ZC3H12B: variants seen among roughly 807,000 people sequenced by gnomAD.
The protein encoded by ZC3H12B is zinc finger CCCH-type containing 12B.
In ZC3H12B, 7 loss-of-function variants were observed where a neutral mutation model predicts 43.9. The observed-to-expected ratio is 0.16, with a 90% CI of 0.09 to 0.30. The LOEUF is 0.30. Ranked by LOEUF, ZC3H12B falls within the 10% of genes least tolerant of loss-of-function variation. ZC3H12B has a pLI of 1.00. For missense variants in ZC3H12B, 475 were observed against 670.2 expected, an observed-to-expected ratio of 0.71 and a Z score of 3.22; for synonymous variants, 222 against 241.7, an observed-to-expected ratio of 0.92 and a Z score of 0.76.
the ZC3H12B span, among the ~76,000 whole-genome samples, chrX:65,152,390 G>A: frequency 2.7e-5 from 3 of 111,529 alleles, no homozygotes; most frequent in Non-Finnish European, 5.7e-5. Flanking sequence ...AAAGTCTCAG[G>A]ATACAAAATC....
At chrX:65,470,569 C>T (rs961486222) in intron 3 of ZC3H12B, among the ~76,000 whole-genome samples, 1 of 110,927 alleles carries the variant, frequency 9.0e-6, no homozygotes, top group African/African-American at 3.3e-5. Context: ...AGGAGTCTCC[C>T]TGCCGCCCTC....
chrX:65,250,817 T>A, the ZC3H12B span, among the ~76,000 whole-genome samples: 19 of 111,916 alleles, frequency 1.7e-4, no homozygotes, highest in Admixed American at 1.3e-3. Context: ...GTTTGAGTTC[T>A]TTGTGGATTC....
the ZC3H12B span, among the ~76,000 whole-genome samples, chrX:65,221,821 G>T: frequency 2.7e-5 from 3 of 110,604 alleles, no homozygotes; most frequent in African/African-American, 9.8e-5. Context: ...ATAAAAAAAA[G>T]GAAATCCTTT....
chrX:65,317,389 T>A, the ZC3H12B span, among the ~76,000 whole-genome samples: 2 of 111,210 alleles, frequency 1.8e-5, no homozygotes, highest in Non-Finnish European at 3.8e-5. Context: ...TAAATTTTTT[T>A]ATTTCCATAG....
At chrX:65,268,118 A>G in the ZC3H12B span, among the ~76,000 whole-genome samples, 1 of 111,904 alleles carries the variant, frequency 8.9e-6, no homozygotes, top group Non-Finnish European at 1.9e-5. Flanking sequence ...AAAGGAATAT[A>G]AGGGAGTATT....
chrX:65,068,869 T>G, the ZC3H12B span, among the ~76,000 whole-genome samples: 371 of 111,225 alleles, frequency 3.3e-3, no homozygotes, highest in Non-Finnish European at 5.5e-3. Flanking sequence ...CCTTTATGCT[T>G]GAAGGATATT....
the ZC3H12B span, among the ~76,000 whole-genome samples, chrX:65,119,633 A>C: frequency 1.8e-5 from 2 of 111,670 alleles, no homozygotes; most frequent in African/African-American, 6.5e-5. Context: ...TTTGCAGTGC[A>C]CAATCTCTTT....
the ZC3H12B span, among the ~76,000 whole-genome samples, chrX:65,192,838 G>A: frequency 9.0e-6 from 1 of 111,133 alleles, no homozygotes; most frequent in Non-Finnish European, 1.9e-5. Flanking sequence ...TCTATTGCTG[G>A]GCTGGAGTGC....
the ZC3H12B span, among the ~76,000 whole-genome samples, chrX:65,327,647 C>A: frequency 1.8e-5 from 2 of 111,013 alleles, no homozygotes; most frequent in Non-Finnish European, 3.8e-5. Context: ...AGCATTTTGT[C>A]ATATAGGATT....
the ZC3H12B span, among the ~76,000 whole-genome samples, chrX:65,068,544 G>A: frequency 1.8e-5 from 2 of 111,750 alleles, no homozygotes; most frequent in Non-Finnish European, 3.8e-5. Flanking sequence ...TTAACTTTAT[G>A]CTGCTTCTAT....
chrX:65,284,450 G>T, the ZC3H12B span, among the ~76,000 whole-genome samples: 1 of 111,380 alleles, frequency 9.0e-6, no homozygotes, highest in African/African-American at 3.3e-5. Flanking sequence ...AACAATTCAG[G>T]ATATGAATAA....
chrX:65,393,477 G>GTGT (rs1432537104), intron 2 of ZC3H12B, among the ~76,000 whole-genome samples: 5 of 110,507 alleles, frequency 4.5e-5, no homozygotes, highest in Admixed American at 2.9e-4. Context: ...AGGCCCTAGT[G>GTGT]TGTAATGTTC....
the ZC3H12B span, among the ~76,000 whole-genome samples, chrX:65,254,146 C>T: frequency 8.9e-6 from 1 of 112,324 alleles, no homozygotes; most frequent in South Asian, 3.7e-4. Flanking sequence ...TCCACCCCCC[C>T]ACTGCCACTG....
the ZC3H12B span, among the ~76,000 whole-genome samples, chrX:65,309,249 C>G: frequency 9.2e-6 from 1 of 108,557 alleles, no homozygotes; most frequent in African/African-American, 3.4e-5. Context: ...AGACTGCTAG[C>G]AAGATTAAAA....
chrX:65,059,548 C>T, the ZC3H12B span, among the ~76,000 whole-genome samples: 8 of 110,753 alleles, frequency 7.2e-5, no homozygotes, highest in African/African-American at 2.6e-4. Context: ...GGATTTGATT[C>T]TGGGTTCTCT....
the ZC3H12B span, among the ~76,000 whole-genome samples, chrX:65,211,578 A>G: frequency 9.8e-6 from 1 of 101,838 alleles, no homozygotes; most frequent in African/African-American, 3.6e-5. Flanking sequence ...AAAGTCATAC[A>G]TCTAGTAATT....
rs771425222 is a variant in ZC3H12B, at chrX:65,380,756, G to C, written n.295+11758G>C. Among the ~76,000 whole-genome samples the C allele has an allele frequency of 2.4e-3, 263 of 111,762 alleles. 2 individuals carry two copies. The highest frequency in any genetic ancestry group is 7.9e-3 in the African/African-American group (244 of 30,739). On this transcript the variant is annotated intron_variant and non_coding_transcript_variant, in intron 2 of 5. Coordinates refer to the ZC3H12B transcript ENST00000617377. Reference sequence around the variant, plus strand: ...CACATAGGCTCAAAATAAAAGGATGGAGGAAGATCTACCAAACAAATGGAA... The same window carrying C: ...CACATAGGCTCAAAATAAAAGGATGCAGGAAGATCTACCAAACAAATGGAA...
chrX:65,475,555 C>CA (rs2067981828), intron 3 of ZC3H12B, among the ~76,000 whole-genome samples: 1 of 110,734 alleles, frequency 9.0e-6, no homozygotes, highest in Non-Finnish European at 1.9e-5. Flanking sequence ...TGCAAAGATT[C>CA]ACTTTTTTCT....
chrX:65,258,450 C>T, the ZC3H12B span, among the ~76,000 whole-genome samples: 1 of 111,915 alleles, frequency 8.9e-6, no homozygotes, highest in Non-Finnish European at 1.9e-5. Context: ...GACAAACCCA[C>T]AGCCAACATC....
Sources: allele counts gnomAD v4.1 joint callset (sites outside exome capture counted in the v4.1 genomes callset), GRCh38; gene constraint gnomAD v4.1.1; transcripts MANE v1.5; gene names NCBI Gene and HGNC (gene_info 2026-07-23, HGNC 2026-07-21).